Variants in CIDEB observed in about 807,000 individuals in gnomAD.
CIDEB encodes the protein lipid transferase CIDEB.
Under a neutral mutation model 22.4 loss-of-function variants are expected in CIDEB, and 27 were observed. The ratio of observed to expected loss-of-function variants is 1.21; its 90% CI spans 0.89 to 1.66. CIDEB has a LOEUF of 1.66. Ranked by LOEUF, CIDEB falls within the 40% of genes most tolerant of loss-of-function variation. The probability of loss-of-function intolerance (pLI) is 0.00; values close to 1 mark genes in which losing one functional copy is unlikely to be tolerated. For missense variants in CIDEB, 289 were observed against 268.7 expected (o/e 1.08, Z -0.53); for synonymous variants, 103 against 109.5 (o/e 0.94, Z 0.37).
upstream of CIDEB, chr14:24,311,050 C>G: frequency 6.4e-7 from 1 of 1,574,386 alleles, no homozygotes; most frequent in Non-Finnish European, 8.5e-7. Flanking sequence ...CCCTTCCTGG[C>G]GCCTCGGCTG....
upstream of CIDEB, chr14:24,310,615 C>T (rs143515649): frequency 7.6e-5 from 122 of 1,594,922 alleles, no homozygotes; most frequent in Admixed American, 1.0e-4. Context: ...TTTTGCCCCA[C>T]CCCTGAACGC....
chr14:24,311,235 G>A (rs759195181), upstream of CIDEB: 22 of 1,608,604 alleles, frequency 1.4e-5, no homozygotes, highest in South Asian at 1.2e-4. Flanking sequence ...GACCGCTTTC[G>A]TGCTTCCTTT....
upstream of CIDEB, chr14:24,311,043 T>G: frequency 1.3e-6 from 2 of 1,577,624 alleles, no homozygotes; most frequent in South Asian, 2.3e-5. Context: ...CACCCGCCCC[T>G]TCCTGGCGCC....
At chr14:24,306,560 T>G in intron 2 of CIDEB, 37 bp from the exon 3 acceptor site, 5 of 1,613,264 alleles carry the variant, frequency 3.1e-6, no homozygotes, top group Non-Finnish European at 4.2e-6. Flanking sequence ...GCAGGTCTTA[T>G]CCCATGCCCC....
chr14:24,305,666 C>A lies in CIDEB; in HGVS notation c.627G>T (p.Gln209His). 6.2e-7 allele frequency: 1 copy of A among 1,614,122 alleles called. No individual in the cohort carries two copies. The highest frequency in any genetic ancestry group is 1.1e-5 in the South Asian group (1 of 91,072). Residue 209 changes from glutamine to histidine, a missense_variant, in exon 5 of 5, where the codon CAG (glutamine) becomes CAT (histidine). By Grantham distance (24) the Gln-to-His change is conservative. Coordinates refer to ENST00000554411, the MANE Select transcript of CIDEB (RefSeq NM_001393339.1). ...TLRHAVEGAEQWQQKGRLHSY is the reference protein window; with the variant it reads ...TLRHAVEGAEHWQQKGRLHSY ...AATGGAGGCGGCCCTTCTGCTGCCA[C>A]TGCTCAGCCCCCTCCACTGCATGAC...
In CIDEB at chr14:24,305,953, ACTTT is replaced by A. The variant is rs749630658; in HGVS notation, c.517_520del (p.Lys173TyrfsTer50). 38 of 1,613,300 alleles carry A rather than the reference ACTTT, an allele frequency of 2.4e-5. No individual in the cohort carries two copies. Among genetic ancestry groups the A allele is most frequent in the Non-Finnish European group, 2.8e-5 (33 of 1,179,568 alleles). On this transcript the variant is annotated frameshift_variant, in exon 4 of 5. Coordinates refer to ENST00000554411, the MANE Select transcript of CIDEB (RefSeq NM_001393339.1). LOFTEE classifies it high-confidence loss of function. ...TGACATGTTGATTTCTGACCTGAGTACTTTCTTTGGGCCAAGTCCTTGAAAGTCA... is the reference window on the plus strand; with the variant it reads ...TGACATGTTGATTTCTGACCTGAGTACTTTGGGCCAAGTCCTTGAAAGTCA...
chr14:24,306,062 CGTCAAAG>C lies in CIDEB; in HGVS notation c.405_411del (p.Phe136CysfsTer13). ...AGGTCTCGAGGGTTTTGCTTGTACA[CGTCAAAG>C]GTGAATCGGGCGATGTCCTTGCTGT... On this transcript the variant is annotated frameshift_variant, in exon 4 of 5. Transcript: ENST00000554411. LOFTEE classifies it high-confidence loss of function. The C allele has an allele frequency of 6.2e-7, 1 of 1,614,184 alleles. No individual in the cohort carries two copies. Among genetic ancestry groups the C allele is most frequent in the Non-Finnish European group, 8.5e-7 (1 of 1,180,030 alleles).
chr14:24,310,367 G>C (rs937260138), upstream of CIDEB: 16 of 609,574 alleles, frequency 2.6e-5, no homozygotes, highest in African/African-American at 2.6e-4. Context: ...TGGTGGTAGA[G>C]ATAGTGACAG....
chr14:24,307,920 G>A lies in CIDEB; in HGVS notation c.-62C>T. The A allele has an allele frequency of 1.4e-6, 2 of 1,426,744 alleles. No homozygotes were observed. The highest frequency in any genetic ancestry group is 1.9e-6 in the Non-Finnish European group (2 of 1,031,980). 88.4% of individuals were successfully genotyped at this position (1,426,744 alleles called of 1,614,324 possible). A position where few individuals can be genotyped will look rare whatever the true frequency, so the allele number is the denominator to read the frequency against. ...CTGGGTGGTTCTCTCCTGTGCTGGG[G>A]CTTTAGTGGTGTTTTCTGTTACAAA... On this transcript the variant is annotated 5_prime_UTR_variant, in exon 1 of 5. Transcript: ENST00000554411.
chr14:24,307,498 C>T lies in CIDEB; in HGVS notation c.59G>A (p.Ser20Asn), dbSNP rs755589683. The T allele has an allele frequency of 1.9e-5, 31 of 1,613,682 alleles. No individual in the cohort carries two copies. Among genetic ancestry groups the T allele is most frequent in the Non-Finnish European group, 2.5e-5 (29 of 1,179,888 alleles). ...SDLLRSVSNI[S>N]SEFGRRVWTS... ...CCAGACCCTCCGTCCAAACTCCGAG[C>T]TTATATTAGATACTGACCTGGTAGT... Residue 20 changes from serine to asparagine, a missense_variant, in exon 2 of 5, where the codon AGC (serine) becomes AAC (asparagine). Coordinates refer to ENST00000554411, the MANE Select transcript of CIDEB (RefSeq NM_001393339.1).
chr14:24,307,119 C>A (rs1236821003), intron 2 of CIDEB: 3 of 395,718 alleles, frequency 7.6e-6, no homozygotes, highest in Non-Finnish European at 1.4e-5. Flanking sequence ...ATCACCTTTC[C>A]ATACTAGCTT....
At chr14:24,310,912 C>G (rs755992705), upstream of CIDEB, 12 of 1,589,090 alleles carry the variant, frequency 7.6e-6, no homozygotes, top group South Asian at 7.8e-5. Context: ...GCCTTCCTGA[C>G]CCGGCAGGCC....
upstream of CIDEB, chr14:24,308,679 TCC>T (rs1276484748): frequency 6.6e-6 from 1 of 152,288 alleles, no homozygotes; most frequent in Admixed American, 6.5e-5. Context: ...GTGCGCTGTG[TCC>T]CAGCTCTGAT....
At position 24,307,647 on chromosome 14, in the gene CIDEB, G is replaced by T; in HGVS notation, c.42-132C>A. 1.5e-5 allele frequency: 12 copies of T among 802,224 alleles called. No homozygotes were observed. The South Asian group carries it at 1.9e-4, about 12-fold the overall frequency. 49.7% of individuals were successfully genotyped at this position (802,224 alleles called of 1,614,324 possible). The stretch of plus-strand genomic sequence containing the variant: ...GTTTATCGATTAGGGATGAGGGAGA[G>T]ACCATGGAGTGCAGGTGGGGGCGGG... On this transcript the variant is annotated intron_variant, in intron 1 of 4. Coordinates refer to ENST00000554411, the MANE Select transcript of CIDEB (RefSeq NM_001393339.1).
chr14:24,311,387 C>G, upstream of CIDEB: 1 of 1,602,894 alleles, frequency 6.2e-7, no homozygotes, highest in Non-Finnish European at 8.5e-7. Context: ...CCCCCTACCA[C>G]GCAGTCAACC....
chr14:24,310,169 A>C, upstream of CIDEB: 1 of 268,188 alleles, frequency 3.7e-6, no homozygotes, highest in Non-Finnish European at 7.2e-6. Flanking sequence ...CAAATGTGAT[A>C]GGCACAGGAC....
upstream of CIDEB, chr14:24,310,404 T>C (rs892684452): frequency 1.6e-6 from 1 of 636,922 alleles, no homozygotes; most frequent in Non-Finnish European, 2.8e-6. Context: ...TATGCCTGTT[T>C]ACCACTGAGC....
rs1162773942 is a variant in CIDEB at position 24,307,510 on chromosome 14, A to T, written c.47T>A (p.Val16Glu). Residue 16 changes from valine to glutamate, a missense_variant, in exon 2 of 5, where the codon GTA (valine) becomes GAA (glutamate). Physicochemically the swap from Val to Glu is moderately radical, Grantham distance 121. Transcript: ENST00000554411. ...ALNPSDLLRS[V>E]SNISSEFGRR... ...TCCAAACTCCGAGCTTATATTAGAT[A>T]CTGACCTGGTAGTTGAGAAGAAAAG... 5 of 1,613,344 alleles carry T rather than the reference A, an allele frequency of 3.1e-6. No homozygotes were observed. In the African/African-American group the frequency reaches 6.7e-5, roughly 22 times the overall value.
At position 24,306,840 on chromosome 14, in the gene CIDEB, A is replaced by G. The variant is rs2041526119; in HGVS notation, c.187-317T>C. 7.5e-6 allele frequency: 3 copies of G among 402,516 alleles called. No homozygotes were observed. The South Asian group carries it at 8.1e-5, about 11-fold the overall frequency. The allele number at this position is 402,516 out of a possible 1,614,324, so 24.9% of individuals were successfully genotyped here. On this transcript the variant is annotated intron_variant, in intron 2 of 4. Transcript: ENST00000554411. ...AGTCCACCCTTCTGTCTTATCTACA[A>G]TGCTGCACCTCACTTCCCACACCCT...
Sources: gnomAD v4.1 joint callset for allele counts on GRCh38, gnomAD v4.1.1 for gene constraint, MANE v1.5 for transcripts, NCBI Gene and HGNC (gene_info 2026-07-23, HGNC 2026-07-21) for gene names.